SLC24A3: variants seen among roughly 807,000 people sequenced by gnomAD.
SLC24A3 encodes the protein sodium/potassium/calcium exchanger 3.
In SLC24A3, 28 loss-of-function variants were observed where a neutral mutation model predicts 75.8. That is an observed-to-expected ratio of 0.37 (90% CI 0.27 to 0.51). The LOEUF (loss-of-function observed/expected upper bound fraction) is 0.51. Ranked by LOEUF, SLC24A3 falls within the 20% of genes least tolerant of loss-of-function variation. SLC24A3 has a pLI of 0.94. For synonymous variants in SLC24A3, 372 were observed against 334.1 expected, an observed-to-expected ratio of 1.11 and a Z score of -1.24; for missense variants, 663 against 847.8, an observed-to-expected ratio of 0.78 and a Z score of 2.71.
intron 2 of SLC24A3, among the ~76,000 whole-genome samples, chr20:19,350,925 T>C (rs1474446783): frequency 6.6e-6 from 1 of 152,158 alleles, no homozygotes; most frequent in Non-Finnish European, 1.5e-5. Context: ...CCAGTGGCAG[T>C]TTAATTCTCA....
At chr20:19,296,702 A>T (rs1222764678) in intron 2 of SLC24A3, among the ~76,000 whole-genome samples, 1 of 152,234 alleles carries the variant, frequency 6.6e-6, no homozygotes, top group East Asian at 1.9e-4. Context: ...CAGAAAATTA[A>T]CAAGGATATT....
At chr20:19,594,688 G>T (rs924010830) in intron 6 of SLC24A3, among the ~76,000 whole-genome samples, 3 of 152,166 alleles carry the variant, frequency 2.0e-5, no homozygotes, top group Non-Finnish European at 4.4e-5. Context: ...AGGTGAGTGG[G>T]TGGGTGGCTG....
At chr20:19,259,848 A>G (rs949706044) in intron 1 of SLC24A3, among the ~76,000 whole-genome samples, 3 of 152,166 alleles carry the variant, frequency 2.0e-5, no homozygotes, top group South Asian at 2.1e-4. Flanking sequence ...CCCCTGTGCT[A>G]TGGGAAAATC....
intron 3 of SLC24A3, among the ~76,000 whole-genome samples, chr20:19,516,353 C>T (rs1370689958): frequency 6.6e-6 from 1 of 152,242 alleles, no homozygotes; most frequent in African/African-American, 2.4e-5. Context: ...TACATTACTG[C>T]TTCCCCATCT....
intron 1 of SLC24A3, among the ~76,000 whole-genome samples, chr20:19,277,214 A>G (rs1568576016): frequency 6.6e-6 from 1 of 152,200 alleles, no homozygotes; most frequent in Non-Finnish European, 1.5e-5. Flanking sequence ...CTTGGGCAAG[A>G]TATTTAACCT....
intron 2 of SLC24A3, among the ~76,000 whole-genome samples, chr20:19,496,490 C>T (rs1466662796): frequency 6.6e-6 from 1 of 152,128 alleles, no homozygotes; most frequent in African/African-American, 2.4e-5. Flanking sequence ...GGTTGGATTC[C>T]CAATCTCTGT....
chr20:19,315,694 T>C (rs1321201787), intron 2 of SLC24A3, among the ~76,000 whole-genome samples: 4 of 152,206 alleles, frequency 2.6e-5, no homozygotes, highest in African/African-American at 9.7e-5. Context: ...TTGATGTGGA[T>C]CCAGTGGCTC....
chr20:19,403,353 T>G (rs555170054), intron 2 of SLC24A3, among the ~76,000 whole-genome samples: 1 of 152,322 alleles, frequency 6.6e-6, no homozygotes, highest in South Asian at 2.1e-4. Context: ...AATGAAGTTT[T>G]GCCTGATTCT....
Position 19,422,603 on chromosome 20 carries a change from A to C in SLC24A3, c.272-92885A>C, listed in dbSNP as rs371517028. 1.6e-4 allele frequency among the ~76,000 whole-genome samples: 25 copies of C among 152,326 alleles called. No homozygotes were observed. The South Asian group carries it at 4.4e-3, about 27-fold the overall frequency. ...ACATTAAGGTCACCTGGAGAACTTT[A>C]AAAAATACTGATGCCTCTGTTCCTT... On this transcript the variant is annotated intron_variant, in intron 2 of 16. Transcript: ENST00000328041.
Position 19,463,714 on chromosome 20 carries a change from T to A in SLC24A3, c.272-51774T>A, listed in dbSNP as rs753246359. Among the ~76,000 whole-genome samples the A allele has an allele frequency of 4.6e-5, 7 of 152,278 alleles. 1 individual carries two copies. The highest frequency in any genetic ancestry group is 8.8e-5 in the Non-Finnish European group (6 of 68,020). ...CCCTCTTCTGGGCCACATGTGCGGA[T>A]TGAGAAATTCAGGGGAAAACCTGAC... On this transcript the variant is annotated intron_variant, in intron 2 of 16. Transcript: ENST00000328041.
chr20:19,462,623 G>A lies in SLC24A3; in HGVS notation c.272-52865G>A, dbSNP rs534802964. 4.6e-5 allele frequency among the ~76,000 whole-genome samples: 7 copies of A among 152,340 alleles called. No individual in the cohort carries two copies. In the South Asian group the frequency reaches 1.2e-3, roughly 27 times the overall value. On this transcript the variant is annotated intron_variant, in intron 2 of 16. Coordinates refer to ENST00000328041, the MANE Select transcript of SLC24A3 (RefSeq NM_020689.4). Reference sequence around the variant, plus strand: ...TCCCTTTGCCTCTGGTCACGTGCTTGTGCGCTCCTGGCTTGATGATCATCT... The same window carrying A: ...TCCCTTTGCCTCTGGTCACGTGCTTATGCGCTCCTGGCTTGATGATCATCT...
chr20:19,567,319 T>C (rs2030974929), intron 3 of SLC24A3, among the ~76,000 whole-genome samples: 1 of 152,204 alleles, frequency 6.6e-6, no homozygotes, highest in Admixed American at 6.5e-5. Flanking sequence ...GTGGTACATA[T>C]ACACGATGGA....
At chr20:19,627,852 T>C (rs1447322386) in intron 6 of SLC24A3, among the ~76,000 whole-genome samples, 1 of 151,944 alleles carries the variant, frequency 6.6e-6, no homozygotes, top group African/African-American at 2.4e-5. Context: ...TTAGCACAGG[T>C]AGGAGCAAAT....
intron 2 of SLC24A3, among the ~76,000 whole-genome samples, chr20:19,456,207 G>T (rs1188995107): frequency 1.3e-5 from 2 of 152,174 alleles, no homozygotes; most frequent in African/African-American, 4.8e-5. Flanking sequence ...GCAAGAGAAA[G>T]ACCTTTTATT....
At chr20:19,375,310 G>A (rs1370398388) in intron 2 of SLC24A3, among the ~76,000 whole-genome samples, 1 of 152,202 alleles carries the variant, frequency 6.6e-6, no homozygotes, top group East Asian at 1.9e-4. Flanking sequence ...ATGCTGTGGT[G>A]CATAGAGTGT....
chr20:19,423,386 A>G (rs1195951952), intron 2 of SLC24A3, among the ~76,000 whole-genome samples: 1 of 152,180 alleles, frequency 6.6e-6, no homozygotes, highest in Admixed American at 6.5e-5. Flanking sequence ...CTCGGTCTGA[A>G]AAAGATGGCT....
chr20:19,295,119 G>A (rs1410913329), intron 2 of SLC24A3, among the ~76,000 whole-genome samples: 1 of 152,154 alleles, frequency 6.6e-6, no homozygotes, highest in Non-Finnish European at 1.5e-5. Flanking sequence ...AGAAGTGTCT[G>A]TTCGTGTCCC....
At chr20:19,305,435 A>G (rs1984301331) in intron 2 of SLC24A3, among the ~76,000 whole-genome samples, 1 of 152,120 alleles carries the variant, frequency 6.6e-6, no homozygotes, top group Middle Eastern at 3.4e-3. Context: ...CTAAGAGTGA[A>G]TGCTACGCCC....
intron 6 of SLC24A3, among the ~76,000 whole-genome samples, chr20:19,609,075 C>T (rs2031637028): frequency 6.6e-6 from 1 of 152,150 alleles, no homozygotes; most frequent in Non-Finnish European, 1.5e-5. Context: ...AGGATGACAA[C>T]CCAGGTTCTC....
Sources: gnomAD v4.1 joint callset for allele counts (sites outside exome capture counted in the v4.1 genomes callset) on GRCh38, gnomAD v4.1.1 for gene constraint, MANE v1.5 for transcripts, NCBI Gene and HGNC (gene_info 2026-07-23, HGNC 2026-07-21) for gene names.